The following SHANK2 variants were observed in gnomAD, a reference collection of about 807,000 sequenced individuals.
The protein encoded by SHANK2 is SH3 and multiple ankyrin repeat domains 2.
SHANK2 carries 43 observed loss-of-function variants against 133.7 expected under a neutral mutation model. The observed-to-expected ratio is 0.32, with a 90% CI of 0.25 to 0.41. The LOEUF (loss-of-function observed/expected upper bound fraction) is 0.41, where lower values mean the gene tolerates loss of function less well. Among genes scored for constraint, SHANK2 ranks in the 10% least tolerant of loss-of-function variants. The pLI, the probability that SHANK2 is intolerant of heterozygous loss-of-function variation, is 1.00. For missense variants in SHANK2, 1,994 were observed against 2,235.8 expected (o/e 0.89, Z 2.18); for synonymous variants, 1,017 against 952.8 (o/e 1.07, Z -1.24).
intron 14 of SHANK2, among the ~76,000 whole-genome samples, chr11:70,791,231 C>T (rs11237501): frequency 0.17 from 26,055 of 152,134 alleles, 2,578 homozygotes; most frequent in African/African-American, 0.25. Flanking sequence ...TTTTCACAAA[C>T]GCGGTGGGCC....
chr11:70,803,970 C>G (rs970155776), intron 13 of SHANK2, among the ~76,000 whole-genome samples: 1 of 152,054 alleles, frequency 6.6e-6, no homozygotes, highest in Admixed American at 6.5e-5. Flanking sequence ...CAAATGGGAC[C>G]GAGCGGAGGA....
At chr11:70,766,195 C>A (rs1341249391) in intron 14 of SHANK2, among the ~76,000 whole-genome samples, 2 of 152,262 alleles carry the variant, frequency 1.3e-5, no homozygotes, top group Non-Finnish European at 2.9e-5. Flanking sequence ...TCTAAGCAGC[C>A]ACCTTGAACT....
At chr11:71,062,339 G>C (rs1950997876) in intron 9 of SHANK2, among the ~76,000 whole-genome samples, 1 of 152,240 alleles carries the variant, frequency 6.6e-6, no homozygotes, top group African/African-American at 2.4e-5. Flanking sequence ...AGAAAACGAA[G>C]AGGAGGCGGA....
chr11:70,827,367 T>A (rs775675208), intron 11 of SHANK2, among the ~76,000 whole-genome samples: 3 of 151,046 alleles, frequency 2.0e-5, no homozygotes, highest in Non-Finnish European at 1.5e-5. Flanking sequence ...CTCTTCAGGG[T>A]CACTTTAGGC....
At chr11:70,885,003 G>A (rs190446677) in intron 11 of SHANK2, among the ~76,000 whole-genome samples, 1 of 152,348 alleles carries the variant, frequency 6.6e-6, no homozygotes, top group South Asian at 2.1e-4. Context: ...TTACAGGCGT[G>A]AGACACTGCG....
At chr11:70,492,605 G>T (rs528582446) in intron 21 of SHANK2, 140 bp from the exon 22 acceptor site, 7 of 1,100,868 alleles carry the variant, frequency 6.4e-6, no homozygotes, top group African/African-American at 6.2e-5. Context: ...AGGAGCATGC[G>T]TGTGCCTCTG....
At chr11:70,639,607 C>A (rs557742372) in intron 17 of SHANK2, among the ~76,000 whole-genome samples, 1 of 152,264 alleles carries the variant, frequency 6.6e-6, no homozygotes, top group South Asian at 2.1e-4. Flanking sequence ...CCTGGTTTTT[C>A]TTTTTCTTTT....
chr11:70,917,595 GAGTCATCCTAAATGCCCATC>G (rs1479457494), intron 10 of SHANK2, among the ~76,000 whole-genome samples: 2 of 152,120 alleles, frequency 1.3e-5, no homozygotes, highest in Non-Finnish European at 2.9e-5. Flanking sequence ...CAATGACATG[GAGTCATCCTAAATGCCCATC>G]AGTGACAGAC....
chr11:70,801,240 C>T (rs1241048275), intron 13 of SHANK2, among the ~76,000 whole-genome samples: 2 of 152,182 alleles, frequency 1.3e-5, no homozygotes, highest in Admixed American at 6.5e-5. Context: ...ATTGTTATTA[C>T]AAGACCAACC....
chr11:70,790,551 AAGAGATTCTGCATC>A (rs1345470837), intron 14 of SHANK2, among the ~76,000 whole-genome samples: 2 of 152,330 alleles, frequency 1.3e-5, no homozygotes, highest in Non-Finnish European at 2.9e-5. Context: ...TTTGAGGAAG[AAGAGATTCTGCATC>A]AAGTTTGCAG....
chr11:70,819,690 G>A (rs1948476680), intron 12 of SHANK2, among the ~76,000 whole-genome samples: 1 of 152,128 alleles, frequency 6.6e-6, no homozygotes, highest in African/African-American at 2.4e-5. Context: ...TCTAGGAAAT[G>A]GAACGAGGCA....
chr11:70,679,671 G>A lies in SHANK2; in HGVS notation c.1854-17993C>T, dbSNP rs565850737. Among the ~76,000 whole-genome samples the A allele has an allele frequency of 2.6e-5, 4 of 152,386 alleles. No homozygotes were observed. The South Asian group carries it at 8.3e-4, about 32-fold the overall frequency. On this transcript the variant is annotated intron_variant, in intron 15 of 25. Coordinates refer to ENST00000601538, the MANE Select transcript of SHANK2 (RefSeq NM_012309.5). ...AGGCTTGGGAGGCCCGGTGCCATCTGTCGTGCTGACTATACGCCCCAGGGC... is the reference window on the plus strand; with the variant it reads ...AGGCTTGGGAGGCCCGGTGCCATCTATCGTGCTGACTATACGCCCCAGGGC...
chr11:71,073,127 G>C (rs1040587779), intron 9 of SHANK2, among the ~76,000 whole-genome samples: 1 of 93,782 alleles, frequency 1.1e-5, no homozygotes, highest in Non-Finnish European at 2.5e-5. Flanking sequence ...CTTGCTTTTT[G>C]TTTTTTTTCT....
chr11:70,560,735 G>A (rs1591581725), intron 17 of SHANK2, among the ~76,000 whole-genome samples: 1 of 151,564 alleles, frequency 6.6e-6, no homozygotes. Context: ...GGGTTCAAGC[G>A]ATTCTCCTGC....
chr11:70,876,499 G>A (rs576961546), intron 11 of SHANK2, among the ~76,000 whole-genome samples: 22 of 151,338 alleles, frequency 1.5e-4, no homozygotes, highest in African/African-American at 3.2e-4. Context: ...GGCAGAGCTT[G>A]CAGTGAGCCA....
intron 11 of SHANK2, among the ~76,000 whole-genome samples, chr11:70,859,483 G>C (rs1483105412): frequency 1.3e-5 from 2 of 151,994 alleles, no homozygotes; most frequent in African/African-American, 4.8e-5. Flanking sequence ...GGGTAGGCAG[G>C]TGAATGGATG....
chr11:70,782,455 A>G (rs907491296), intron 14 of SHANK2, among the ~76,000 whole-genome samples: 8 of 152,222 alleles, frequency 5.3e-5, no homozygotes, highest in African/African-American at 1.9e-4. Context: ...AAAGCAGGCT[A>G]TGGGGTCCCA....
At chr11:70,475,498 G>A (rs2058651792) in intron 25 of SHANK2, among the ~76,000 whole-genome samples, 1 of 152,178 alleles carries the variant, frequency 6.6e-6, no homozygotes. Context: ...TACCATGGAT[G>A]TATATTTGGG....
intron 17 of SHANK2, among the ~76,000 whole-genome samples, chr11:70,508,718 C>A (rs1025862168): frequency 4.6e-5 from 7 of 152,082 alleles, no homozygotes; most frequent in Non-Finnish European, 8.8e-5. Context: ...TAGTGAGACC[C>A]CATTTCTACA....
Sources: gnomAD v4.1 joint callset for allele counts (sites outside exome capture counted in the v4.1 genomes callset) on GRCh38, gnomAD v4.1.1 for gene constraint, MANE v1.5 for transcripts, NCBI Gene and HGNC (gene_info 2026-07-23, HGNC 2026-07-21) for gene names.